CYP39A1: variants seen among roughly 807,000 people sequenced by gnomAD.
The protein encoded by CYP39A1 is 24-hydroxycholesterol 7-alpha-hydroxylase.
In CYP39A1, 49 loss-of-function variants were observed where a neutral mutation model predicts 58.1. The observed-to-expected ratio is 0.84, with a 90% CI of 0.67 to 1.07. CYP39A1 has a LOEUF of 1.07. CYP39A1 is among the 50% of genes least tolerant of loss of function. CYP39A1 has a pLI of 0.00. For missense variants in CYP39A1, 531 were observed against 539.4 expected, an observed-to-expected ratio of 0.98 and a Z score of 0.16; for synonymous variants, 209 against 187.6, an observed-to-expected ratio of 1.11 and a Z score of -0.93.
intron 5 of CYP39A1, among the ~76,000 whole-genome samples, chr6:46,633,695 A>G (rs574274172): frequency 1.3e-5 from 2 of 152,272 alleles, no homozygotes; most frequent in East Asian, 3.9e-4. Context: ...CATCTCTACT[A>G]AAAATATAAA....
intron 10 of CYP39A1, among the ~76,000 whole-genome samples, chr6:46,571,820 A>G (rs889834888): frequency 6.6e-6 from 1 of 151,962 alleles, no homozygotes; most frequent in African/African-American, 2.4e-5. Flanking sequence ...CTCTCTTGCT[A>G]TCTTCCTTTC....
intron 10 of CYP39A1, among the ~76,000 whole-genome samples, chr6:46,580,137 T>C (rs778334510): frequency 6.6e-6 from 1 of 152,152 alleles, no homozygotes; most frequent in African/African-American, 2.4e-5. Flanking sequence ...AACAGCATGA[T>C]ACTGGTACAA....
chr6:46,571,370 T>C (rs1037401098), intron 10 of CYP39A1, among the ~76,000 whole-genome samples: 5 of 152,154 alleles, frequency 3.3e-5, no homozygotes, highest in African/African-American at 9.7e-5. Flanking sequence ...TCCCTTCAGT[T>C]CTGTTAATAT....
At chr6:46,552,485 T>C (rs1448538887) in intron 11 of CYP39A1, among the ~76,000 whole-genome samples, 1 of 152,196 alleles carries the variant, frequency 6.6e-6, no homozygotes, top group Non-Finnish European at 1.5e-5. Context: ...CTGTGTCACT[T>C]ACGCACTTAC....
chr6:46,610,248 A>G (rs1378236660), intron 7 of CYP39A1, among the ~76,000 whole-genome samples: 12 of 152,222 alleles, frequency 7.9e-5, no homozygotes, highest in Admixed American at 7.9e-4. Flanking sequence ...TCCTGTGCCA[A>G]TTGTGTACTC....
At chr6:46,571,953 T>A (rs1391666065) in intron 10 of CYP39A1, among the ~76,000 whole-genome samples, 2 of 152,094 alleles carry the variant, frequency 1.3e-5, no homozygotes, top group Non-Finnish European at 2.9e-5. Context: ...TATAGCAATA[T>A]ATTTTAACCT....
chr6:46,602,231 A>G (rs2034361338), intron 7 of CYP39A1, among the ~76,000 whole-genome samples: 2 of 152,200 alleles, frequency 1.3e-5, no homozygotes, highest in Non-Finnish European at 2.9e-5. Flanking sequence ...TAATTTGTGT[A>G]ACAGCAATGG....
In CYP39A1 at chr6:46,602,075, C is replaced by T. The variant is rs149335874; in HGVS notation, c.932-5955G>A. On this transcript the variant is annotated intron_variant, in intron 7 of 11. Coordinates refer to ENST00000275016, the MANE Select transcript of CYP39A1 (RefSeq NM_016593.5). ...TCAGAATCTTGTTAGATCTGTTCTT[C>T]GATGTATATCCAGTATCTAACACAG... 6.4e-3 allele frequency among the ~76,000 whole-genome samples: 974 copies of T among 152,126 alleles called. 10 individuals are homozygous for T. The highest frequency in any genetic ancestry group is 0.022 in the African/African-American group (926 of 41,494).
At chr6:46,575,084 G>A (rs1183883364) in intron 10 of CYP39A1, among the ~76,000 whole-genome samples, 1 of 152,134 alleles carries the variant, frequency 6.6e-6, no homozygotes, top group East Asian at 1.9e-4. Flanking sequence ...GAAAGGGTAA[G>A]TGAAATAGGC....
chr6:46,616,944 AG>A (rs1358871561), intron 7 of CYP39A1, among the ~76,000 whole-genome samples: 1 of 152,180 alleles, frequency 6.6e-6, no homozygotes, highest in African/African-American at 2.4e-5. Context: ...GAACCCACCA[AG>A]AGATTGGCGA....
At chr6:46,614,852 C>G (rs1204532976) in intron 7 of CYP39A1, among the ~76,000 whole-genome samples, 2 of 152,120 alleles carry the variant, frequency 1.3e-5, no homozygotes, top group Non-Finnish European at 2.9e-5. Context: ...CAAATCAGGC[C>G]ACAGAACTGG....
At chr6:46,566,200 C>T (rs1430691644) in intron 10 of CYP39A1, among the ~76,000 whole-genome samples, 1 of 152,126 alleles carries the variant, frequency 6.6e-6, no homozygotes, top group Non-Finnish European at 1.5e-5. Flanking sequence ...TATGGTTACT[C>T]CTCCTAGAAA....
chr6:46,617,431 G>A (rs1328320585), intron 7 of CYP39A1, among the ~76,000 whole-genome samples: 1 of 152,008 alleles, frequency 6.6e-6, no homozygotes, highest in Non-Finnish European at 1.5e-5. Flanking sequence ...CTACCATCAT[G>A]GCCACAGGTA....
chr6:46,616,442 T>C (rs1774614018), intron 7 of CYP39A1, among the ~76,000 whole-genome samples: 1 of 151,600 alleles, frequency 6.6e-6, no homozygotes, highest in African/African-American at 2.4e-5. Context: ...TTTTAAGAGA[T>C]GGAGCCTCAT....
intron 8 of CYP39A1, 85 bp downstream of exon 8, chr6:46,595,902 T>C: frequency 8.0e-7 from 1 of 1,252,970 alleles, no homozygotes; most frequent in Admixed American, 2.3e-5. Context: ...TAAATCAAGA[T>C]ATGTCAACCT....
At chr6:46,634,148 G>A (rs191765715) in intron 5 of CYP39A1, among the ~76,000 whole-genome samples, 122 of 152,268 alleles carry the variant, frequency 8.0e-4, no homozygotes, top group African/African-American at 2.8e-3. Flanking sequence ...CCGAATCATG[G>A]GAGCAGGTCT....
intron 7 of CYP39A1, among the ~76,000 whole-genome samples, chr6:46,619,819 T>C (rs1272524382): frequency 6.6e-6 from 1 of 152,178 alleles, no homozygotes; most frequent in African/African-American, 2.4e-5. Context: ...ATAGCTCTGG[T>C]ACTTCACACA....
chr6:46,561,598 T>G (rs1215211195), intron 10 of CYP39A1, among the ~76,000 whole-genome samples: 1 of 151,948 alleles, frequency 6.6e-6, no homozygotes, highest in East Asian at 1.9e-4. Flanking sequence ...CAAGGGGGGT[T>G]TGAATGTGCC....
intron 1 of CYP39A1, among the ~76,000 whole-genome samples, chr6:46,648,946 A>T (rs1266877812): frequency 6.6e-6 from 1 of 152,238 alleles, no homozygotes; most frequent in Non-Finnish European, 1.5e-5. Flanking sequence ...TCTCATGCTT[A>T]AAAAATGGTA....
Sources: allele counts gnomAD v4.1 joint callset (sites outside exome capture counted in the v4.1 genomes callset), GRCh38; gene constraint gnomAD v4.1.1; transcripts MANE v1.5; gene names NCBI Gene and HGNC (gene_info 2026-07-23, HGNC 2026-07-21).